Variants in TGFBR3 observed in about 807,000 individuals in gnomAD.
TGFBR3 encodes transforming growth factor beta receptor type 3.
TGFBR3 carries 46 observed loss-of-function variants against 87.9 expected under a neutral mutation model. The ratio of observed to expected loss-of-function variants is 0.52; its 90% CI spans 0.41 to 0.67. The LOEUF is 0.67. Ranked by LOEUF, TGFBR3 falls within the 30% of genes least tolerant of loss-of-function variation. The probability of loss-of-function intolerance (pLI) is 0.00; values close to 1 mark genes in which losing one functional copy is unlikely to be tolerated. For missense variants in TGFBR3, 866 were observed against 1,041.9 expected (o/e 0.83, Z 2.32); for synonymous variants, 381 against 391.6 (o/e 0.97, Z 0.32).
At chr1:91,714,637 G>T (rs1013436782) in intron 12 of TGFBR3, among the ~76,000 whole-genome samples, 2 of 152,192 alleles carry the variant, frequency 1.3e-5, no homozygotes, top group African/African-American at 2.4e-5. Flanking sequence ...GTAAGGTACA[G>T]GAGGAAGATT....
At chr1:91,741,740 C>T (rs1673165987) in intron 4 of TGFBR3, among the ~76,000 whole-genome samples, 1 of 152,122 alleles carries the variant, frequency 6.6e-6, no homozygotes, top group Admixed American at 6.5e-5. Flanking sequence ...TTATTCCATG[C>T]CCCATCTTCC....
intron 8 of TGFBR3, among the ~76,000 whole-genome samples, chr1:91,721,663 C>A (rs1448575059): frequency 1.3e-5 from 2 of 152,074 alleles, no homozygotes; most frequent in Non-Finnish European, 2.9e-5. Context: ...GTATTCTCAG[C>A]CATAAGTGGT....
chr1:91,699,917 C>T (rs536218238), intron 14 of TGFBR3, among the ~76,000 whole-genome samples: 1 of 152,296 alleles, frequency 6.6e-6, no homozygotes, highest in South Asian at 2.1e-4. Context: ...TTATGGTCCA[C>T]CACCTATTTT....
rs17885788 is a variant in TGFBR3 at position 91,873,459 on chromosome 1, T to A, written c.-113-11815A>T. On this transcript the variant is annotated intron_variant, in intron 1 of 16. Transcript: ENST00000212355. ...CACCACGCCCAGCTAATTTTTGTAT[T>A]TTTTTTTAGTAAAGATGGGGCTTTA... Among the ~76,000 whole-genome samples, 1,001 of 150,994 alleles carry A rather than the reference T, an allele frequency of 6.6e-3. 19 individuals are homozygous for A. The highest frequency in any genetic ancestry group is 0.023 in the African/African-American group (949 of 41,204).
chr1:91,888,859 C>T (rs372944797), upstream of TGFBR3, among the ~76,000 whole-genome samples: 21 of 152,164 alleles, frequency 1.4e-4, no homozygotes, highest in East Asian at 1.9e-3. Context: ...TCTGAGCCAG[C>T]GTGGGTACTG....
chr1:91,720,271 C>G, intron 8 of TGFBR3, 41 bp from the exon 9 acceptor site: 4 of 1,528,500 alleles, frequency 2.6e-6, no homozygotes, highest in Non-Finnish European at 2.7e-6. Context: ...GTGTTTGATG[C>G]CAGGCCACAA....
At chr1:91,850,415 A>G (rs1009909143) in intron 2 of TGFBR3, among the ~76,000 whole-genome samples, 9 of 152,230 alleles carry the variant, frequency 5.9e-5, no homozygotes, top group Non-Finnish European at 1.2e-4. Flanking sequence ...TGTCATGCAC[A>G]GGTGCATCCC....
At chr1:91,725,035 T>A (rs1302229146) in intron 7 of TGFBR3, among the ~76,000 whole-genome samples, 1 of 152,180 alleles carries the variant, frequency 6.6e-6, no homozygotes. Flanking sequence ...GTTTCCTCCA[T>A]CTATTTTTTT....
chr1:91,902,608 TTC>T (rs1314505043), intron 1 of TGFBR3, among the ~76,000 whole-genome samples: 2 of 151,886 alleles, frequency 1.3e-5, no homozygotes, highest in Non-Finnish European at 2.9e-5. Flanking sequence ...TTTTTTTCTT[TTC>T]TTTCTTTTTT....
chr1:91,830,247 T>C (rs564376502), intron 2 of TGFBR3, among the ~76,000 whole-genome samples: 1 of 152,224 alleles, frequency 6.6e-6, no homozygotes, highest in South Asian at 2.1e-4. Context: ...CAAGATCAGC[T>C]CAGCCTGGCA....
intron 3 of TGFBR3, among the ~76,000 whole-genome samples, chr1:91,772,168 A>G (rs897855795): frequency 3.9e-5 from 6 of 152,232 alleles, no homozygotes; most frequent in Admixed American, 2.0e-4. Flanking sequence ...TTTCAGAGAC[A>G]TAGACCCTGA....
chr1:91,869,780 C>T (rs1477613687), intron 1 of TGFBR3, among the ~76,000 whole-genome samples: 1 of 152,212 alleles, frequency 6.6e-6, no homozygotes, highest in Non-Finnish European at 1.5e-5. Context: ...GGCAGGAGTG[C>T]GACCATCAGC....
chr1:91,835,379 CA>C lies in TGFBR3; in HGVS notation c.61+26091del, dbSNP rs1486097750. On this transcript the variant is annotated intron_variant, in intron 2 of 16. Transcript: ENST00000212355. ...AAGTAAGGGCTGGGAGAGGAGGTTA[CA>C]GCCAGATGAACTGTAGCACAACACA... Among the ~76,000 whole-genome samples the C allele has an allele frequency of 5.3e-5, 8 of 152,206 alleles. No homozygotes were observed. The East Asian group carries it at 1.5e-3, about 29-fold the overall frequency.
chr1:91,832,531 G>T (rs922924497), intron 2 of TGFBR3, among the ~76,000 whole-genome samples: 2 of 152,110 alleles, frequency 1.3e-5, no homozygotes, highest in Admixed American at 1.3e-4. Context: ...ATTATTGGCC[G>T]CACTTTACAG....
chr1:91,839,952 G>A (rs191265266), intron 2 of TGFBR3, among the ~76,000 whole-genome samples: 2 of 151,970 alleles, frequency 1.3e-5, no homozygotes, highest in Admixed American at 6.6e-5. Context: ...CTAAAGAAAC[G>A]CTGTACTACT....
intron 2 of TGFBR3, among the ~76,000 whole-genome samples, chr1:91,895,968 T>G (rs780121866): frequency 6.6e-6 from 1 of 152,182 alleles, no homozygotes; most frequent in Non-Finnish European, 1.5e-5. Flanking sequence ...TTCTCACTAT[T>G]TCCATTGCTG....
chr1:91,838,458 C>CTT (rs539093148), intron 2 of TGFBR3, among the ~76,000 whole-genome samples: 16 of 125,260 alleles, frequency 1.3e-4, no homozygotes, highest in South Asian at 2.4e-4. Flanking sequence ...TTGGAAATCT[C>CTT]TTTTTTTTTT....
rs1670986864 is a variant in TGFBR3, at chr1:91,683,630, A to C, written c.*109T>G. On this transcript the variant is annotated 3_prime_UTR_variant, in exon 17 of 17. Transcript: ENST00000212355. ...CACTCTGTCTTTACAAGGGAACCAA[A>C]ATCCAGCCCTCTGAGTCTGGACACG... 3.3e-6 allele frequency: 3 copies of C among 912,942 alleles called. No homozygotes were observed. The East Asian group carries it at 7.9e-5, about 24-fold the overall frequency. 56.6% of individuals were successfully genotyped at this position (912,942 alleles called of 1,614,324 possible).
In TGFBR3 at chr1:91,886,130, G is replaced by C. The variant is rs1245140399; in HGVS notation, c.-366C>G. 2.9e-5 allele frequency: 13 copies of C among 453,984 alleles called. No homozygotes were observed. Among genetic ancestry groups the C allele is most frequent in the African/African-American group, 4.0e-5 (2 of 50,016 alleles). The allele number at this position is 453,984 out of a possible 1,614,324, so 28.1% of individuals were successfully genotyped here. On this transcript the variant is annotated 5_prime_UTR_variant, in exon 1 of 17. Transcript: ENST00000212355. ...CGCTGGGAAGAGGAAAGTGCCGCTC[G>C]GCGTCCCCGAAACCCTCGATTACCC...
Sources: allele counts gnomAD v4.1 joint callset (sites outside exome capture counted in the v4.1 genomes callset), GRCh38; gene constraint gnomAD v4.1.1; transcripts MANE v1.5; gene names NCBI Gene and HGNC (gene_info 2026-07-23, HGNC 2026-07-21).